The following SLC25A48 variants were observed in gnomAD, a reference collection of about 807,000 sequenced individuals.
The protein encoded by SLC25A48 is CTC-321K16.1.
In SLC25A48, 29 loss-of-function variants were observed where a neutral mutation model predicts 32.2. That is an observed-to-expected ratio of 0.90 (90% CI 0.67 to 1.23). The LOEUF is 1.23. Among genes scored for constraint, SLC25A48 ranks in the 50% most tolerant of loss-of-function variants. The probability of loss-of-function intolerance (pLI) is 0.00; values close to 1 mark genes in which losing one functional copy is unlikely to be tolerated. For synonymous variants in SLC25A48, 164 were observed against 172.3 expected, an observed-to-expected ratio of 0.95 and a Z score of 0.38; for missense variants, 399 against 422.7, an observed-to-expected ratio of 0.94 and a Z score of 0.49.
At chr5:135,836,669 A>G (rs1156289490) in intron 1 of SLC25A48, among the ~76,000 whole-genome samples, 6 of 152,144 alleles carry the variant, frequency 3.9e-5, no homozygotes, top group Admixed American at 2.6e-4. Context: ...CCTTTCCTGT[A>G]TATGTTATGT....
intron 4 of SLC25A48, among the ~76,000 whole-genome samples, chr5:135,870,283 G>A (rs76650902): frequency 0.062 from 9,445 of 152,210 alleles, 708 homozygotes; most frequent in African/African-American, 0.17. Flanking sequence ...TTATTTCCTG[G>A]AGAAGGGAAA....
intron 4 of SLC25A48, among the ~76,000 whole-genome samples, chr5:135,818,089 CT>C (rs1757779032): frequency 7.0e-6 from 1 of 142,342 alleles, no homozygotes. Context: ...CTCTCTCTCT[CT>C]CTCTCTCTCT....
intron 1 of SLC25A48, among the ~76,000 whole-genome samples, chr5:135,624,037 A>T (rs1752386021): frequency 6.6e-6 from 1 of 152,172 alleles, no homozygotes; most frequent in South Asian, 2.1e-4. Context: ...TGGGGATGGA[A>T]ATCACGGGTG....
At chr5:135,665,278 G>GT (rs1200580261) in intron 3 of SLC25A48, among the ~76,000 whole-genome samples, 2 of 151,414 alleles carry the variant, frequency 1.3e-5, no homozygotes, top group African/African-American at 2.4e-5. Flanking sequence ...ATTATTTGTT[G>GT]TTTTTTTTCT....
At chr5:135,706,629 A>G (rs1580801288) in intron 3 of SLC25A48, among the ~76,000 whole-genome samples, 1 of 152,144 alleles carries the variant, frequency 6.6e-6, no homozygotes, top group Admixed American at 6.5e-5. Context: ...TGGTGTGCGC[A>G]TGGAGAAAGG....
rs767336252 is a variant in SLC25A48, at chr5:135,852,543, C to T, written c.163-20C>T. The T allele has an allele frequency of 1.3e-6, 2 of 1,581,858 alleles. No homozygotes were observed. The highest frequency in any genetic ancestry group is 2.3e-5 in the East Asian group (1 of 44,246). ...GCAGCCCGGGGTCCTCACGCCTCTT[C>T]CTTCTGGTTTTCACTGCAGATGTTC... On this transcript the variant is annotated intron_variant, in intron 3 of 7. Coordinates refer to ENST00000681962, the MANE Select transcript of SLC25A48 (RefSeq NM_001349336.2).
intron 1 of SLC25A48, among the ~76,000 whole-genome samples, chr5:135,596,886 T>C (rs1396159921): frequency 6.6e-6 from 1 of 152,058 alleles, no homozygotes; most frequent in Non-Finnish European, 1.5e-5. Flanking sequence ...AGCGTAATGA[T>C]TGGGGGTGCA....
At chr5:135,772,743 G>C (rs774655373) in intron 3 of SLC25A48, among the ~76,000 whole-genome samples, 3 of 151,468 alleles carry the variant, frequency 2.0e-5, no homozygotes, top group African/African-American at 4.8e-5. Flanking sequence ...ATCGCAGATG[G>C]TGTGATATTT....
rs147510713 is a variant in SLC25A48 at position 135,773,146 on chromosome 5, G to A, written c.-520-39377G>A. ...GATATTGTTTTGTAATATCCAGGGT[G>A]GTAGAGGATAATATTACTCTGAATA... On this transcript the variant is annotated intron_variant, in intron 3 of 10. Transcript: ENST00000646290. 1.5e-3 allele frequency among the ~76,000 whole-genome samples: 227 copies of A among 150,876 alleles called. 3 individuals are homozygous for A. The highest frequency in any genetic ancestry group is 4.3e-3 in the African/African-American group (176 of 41,162).
intron 3 of SLC25A48, among the ~76,000 whole-genome samples, chr5:135,801,053 G>A (rs61315671): frequency 0.068 from 10,281 of 151,564 alleles, 821 homozygotes; most frequent in African/African-American, 0.19. Context: ...GCGGGAAGAG[G>A]ACGATATTAC....
intron 3 of SLC25A48, among the ~76,000 whole-genome samples, chr5:135,767,187 A>C (rs866275197): frequency 5.3e-4 from 77 of 144,828 alleles, no homozygotes; most frequent in Admixed American, 7.7e-4. Flanking sequence ...GGACAGGTAC[A>C]CCCCCCCCCC....
At chr5:135,751,865 C>G (rs1190885724) in intron 3 of SLC25A48, among the ~76,000 whole-genome samples, 1 of 152,172 alleles carries the variant, frequency 6.6e-6, no homozygotes, top group South Asian at 2.1e-4. Context: ...AAAATAGAGT[C>G]CAGAAATTGT....
intron 4 of SLC25A48, among the ~76,000 whole-genome samples, chr5:135,858,852 G>T (rs1760549504): frequency 6.6e-6 from 1 of 152,164 alleles, no homozygotes; most frequent in South Asian, 2.1e-4. Flanking sequence ...CCAAGGGTTG[G>T]GTGTGAATTC....
intron 3 of SLC25A48, among the ~76,000 whole-genome samples, chr5:135,753,771 CA>C (rs1755828736): frequency 6.6e-6 from 1 of 151,660 alleles, no homozygotes; most frequent in Non-Finnish European, 1.5e-5. Flanking sequence ...CCTGTGTGTA[CA>C]CCCTGTAATA....
intron 3 of SLC25A48, among the ~76,000 whole-genome samples, chr5:135,794,708 T>G (rs899343147): frequency 1.3e-5 from 2 of 149,598 alleles, no homozygotes; most frequent in Admixed American, 1.3e-4. Flanking sequence ...TGACATTACT[T>G]AAAATATCAC....
intron 3 of SLC25A48, among the ~76,000 whole-genome samples, chr5:135,713,315 A>G (rs1754714863): frequency 6.6e-6 from 1 of 152,212 alleles, no homozygotes; most frequent in Non-Finnish European, 1.5e-5. Context: ...CGTGTTAATG[A>G]TGCTAGTAGT....
intron 3 of SLC25A48, among the ~76,000 whole-genome samples, chr5:135,741,779 G>C (rs1254752296): frequency 6.6e-6 from 1 of 152,182 alleles, no homozygotes; most frequent in Non-Finnish European, 1.5e-5. Context: ...GCCCTTCTTA[G>C]TTCACAGGCC....
intron 4 of SLC25A48, among the ~76,000 whole-genome samples, chr5:135,823,699 T>A (rs116669485): frequency 0.026 from 4,007 of 152,168 alleles, 172 homozygotes; most frequent in African/African-American, 0.091. Context: ...GTGCTCTGAA[T>A]GAGGGGTATG....
chr5:135,737,149 T>C (rs1274952908), intron 3 of SLC25A48, among the ~76,000 whole-genome samples: 1 of 152,128 alleles, frequency 6.6e-6, no homozygotes, highest in Non-Finnish European at 1.5e-5. Flanking sequence ...CAAGGCTGTT[T>C]ATTTCACCTT....
Sources: gnomAD v4.1 joint callset for allele counts (sites outside exome capture counted in the v4.1 genomes callset) on GRCh38, gnomAD v4.1.1 for gene constraint, MANE v1.5 for transcripts, NCBI Gene and HGNC (gene_info 2026-07-23, HGNC 2026-07-21) for gene names.